Variants in JARID2 observed in about 807,000 individuals in gnomAD.
JARID2 encodes protein Jumonji.
In JARID2, 21 loss-of-function variants were observed where a neutral mutation model predicts 125.6. The observed-to-expected ratio is 0.17, with a 90% CI of 0.12 to 0.24. The LOEUF (loss-of-function observed/expected upper bound fraction) is 0.24. Ranked by LOEUF, JARID2 falls within the 10% of genes least tolerant of loss-of-function variation. JARID2 has a pLI of 1.00. For synonymous variants in JARID2, 736 were observed against 661.6 expected, an observed-to-expected ratio of 1.11 and a Z score of -1.73; for missense variants, 1,303 against 1,639.6, an observed-to-expected ratio of 0.79 and a Z score of 3.55.
intron 5 of JARID2, among the ~76,000 whole-genome samples, chr6:15,481,929 T>C (rs996849750): frequency 5.9e-5 from 9 of 152,258 alleles, no homozygotes; most frequent in Non-Finnish European, 1.3e-4. Flanking sequence ...CCCTCTCGTC[T>C]CCGTTTCCCC....
chr6:15,253,950 A>T (rs1330878793), intron 1 of JARID2, among the ~76,000 whole-genome samples: 2 of 152,194 alleles, frequency 1.3e-5, no homozygotes, highest in Admixed American at 1.3e-4. Context: ...TTGAGTTCAG[A>T]GGACATAGAA....
At chr6:15,410,952 AAC>A (rs1236577436) in intron 3 of JARID2, among the ~76,000 whole-genome samples, 1 of 150,034 alleles carries the variant, frequency 6.7e-6, no homozygotes, top group Admixed American at 6.6e-5. Context: ...GTAGTTTGAT[AAC>A]AGTTTGTGGT....
At chr6:15,499,120 T>C (rs1405611006) in intron 7 of JARID2, among the ~76,000 whole-genome samples, 1 of 152,190 alleles carries the variant, frequency 6.6e-6, no homozygotes, top group Non-Finnish European at 1.5e-5. Context: ...GTCTAAGGCG[T>C]CTGACATTCT....
At chr6:15,363,074 C>CT (rs1763856515) in intron 1 of JARID2, among the ~76,000 whole-genome samples, 3 of 152,078 alleles carry the variant, frequency 2.0e-5, no homozygotes, top group Admixed American at 2.0e-4. Flanking sequence ...AAGAATCAAA[C>CT]TTGAAGGTGG....
At chr6:15,247,040 G>A (rs1261092483) in intron 1 of JARID2, among the ~76,000 whole-genome samples, 1 of 152,176 alleles carries the variant, frequency 6.6e-6, no homozygotes, top group Admixed American at 6.5e-5. Context: ...TCCGATTATG[G>A]CGATCTTCTC....
chr6:15,493,583 G>A (rs904472256), intron 6 of JARID2, among the ~76,000 whole-genome samples: 5 of 152,170 alleles, frequency 3.3e-5, no homozygotes, highest in Admixed American at 3.3e-4. Context: ...AACTGTAGAG[G>A]TGTTGTCTTT....
intron 16 of JARID2, among the ~76,000 whole-genome samples, chr6:15,514,401 C>G (rs1397093147): frequency 6.6e-6 from 1 of 152,234 alleles, no homozygotes; most frequent in African/African-American, 2.4e-5. Context: ...AGGAGGTGCC[C>G]ACCCCATATG....
intron 1 of JARID2, among the ~76,000 whole-genome samples, chr6:15,283,555 G>A (rs112131934): frequency 9.5e-4 from 142 of 150,246 alleles, no homozygotes; most frequent in African/African-American, 3.3e-3. Context: ...TGTTAGCCAG[G>A]ACGGTCTCGA....
At chr6:15,264,649 GAGAGAT>G (rs1252289893) in intron 1 of JARID2, among the ~76,000 whole-genome samples, 1 of 149,326 alleles carries the variant, frequency 6.7e-6, no homozygotes, top group Non-Finnish European at 1.5e-5. Context: ...GTGAGAGAGA[GAGAGAT>G]AGAGAGAGAG....
chr6:15,504,648 C>T, intron 9 of JARID2, 56 bp downstream of exon 9: 1 of 1,161,472 alleles, frequency 8.6e-7, no homozygotes. Context: ...CCTCGGCGAG[C>T]TGGAGGACAT....
At chr6:15,286,317 A>G (rs1760997489) in intron 1 of JARID2, among the ~76,000 whole-genome samples, 1 of 146,960 alleles carries the variant, frequency 6.8e-6, no homozygotes, top group South Asian at 2.1e-4. Context: ...CAGTGGTGTG[A>G]TCTCGGCTCA....
chr6:15,447,358 G>A (rs879788827), intron 3 of JARID2, among the ~76,000 whole-genome samples: 1 of 141,652 alleles, frequency 7.1e-6, no homozygotes, highest in Non-Finnish European at 1.5e-5. Flanking sequence ...TCTTCTGTAA[G>A]GGATCTCCTT....
chr6:15,474,721 A>G (rs932755389), intron 5 of JARID2, among the ~76,000 whole-genome samples: 12 of 152,122 alleles, frequency 7.9e-5, no homozygotes, highest in Admixed American at 3.3e-4. Context: ...GACATTTCCA[A>G]GATCACTATT....
chr6:15,340,900 G>T (rs183042713), intron 1 of JARID2, among the ~76,000 whole-genome samples: 11 of 152,272 alleles, frequency 7.2e-5, no homozygotes, highest in African/African-American at 2.4e-4. Flanking sequence ...GCTGTGTCTT[G>T]GGAAGGGATG....
chr6:15,312,512 C>T (rs1294781981), intron 1 of JARID2, among the ~76,000 whole-genome samples: 3 of 152,228 alleles, frequency 2.0e-5, no homozygotes, highest in Non-Finnish European at 2.9e-5. Flanking sequence ...CTCCCTTGTG[C>T]TCCTGTCCTG....
At chr6:15,396,427 C>G (rs938539678) in intron 2 of JARID2, among the ~76,000 whole-genome samples, 1 of 152,138 alleles carries the variant, frequency 6.6e-6, no homozygotes, top group Non-Finnish European at 1.5e-5. Context: ...GTACTATGAT[C>G]CACTAAGGTT....
At chr6:15,407,427 G>T (rs1474529247) in intron 2 of JARID2, among the ~76,000 whole-genome samples, 1 of 152,118 alleles carries the variant, frequency 6.6e-6, no homozygotes, top group Non-Finnish European at 1.5e-5. Flanking sequence ...TTGTCAGGAG[G>T]ACAGAAGCAA....
At chr6:15,471,601 A>G (rs1769080896) in intron 5 of JARID2, among the ~76,000 whole-genome samples, 1 of 152,166 alleles carries the variant, frequency 6.6e-6, no homozygotes, top group Non-Finnish European at 1.5e-5. Context: ...ATACTAGTGC[A>G]GTTGTACTGG....
At chr6:15,448,007 C>G (rs553647146) in intron 3 of JARID2, among the ~76,000 whole-genome samples, 2 of 152,344 alleles carry the variant, frequency 1.3e-5, no homozygotes, top group South Asian at 2.1e-4. Flanking sequence ...GCCATTCAAG[C>G]TCTTTGGTTG....
Sources: gnomAD v4.1 joint callset for allele counts (sites outside exome capture counted in the v4.1 genomes callset) on GRCh38, gnomAD v4.1.1 for gene constraint, MANE v1.5 for transcripts, NCBI Gene and HGNC (gene_info 2026-07-23, HGNC 2026-07-21) for gene names.